The following AMZ2 variants were observed in gnomAD, a reference collection of about 807,000 sequenced individuals.
AMZ2 encodes the protein archaemetzincin-2.
A neutral mutation model predicts 36.7 loss-of-function variants in AMZ2; 26 were observed. The ratio of observed to expected loss-of-function variants is 0.71; its 90% CI spans 0.52 to 0.98. The LOEUF (loss-of-function observed/expected upper bound fraction) is 0.98, where lower values mean the gene tolerates loss of function less well. Ranked by LOEUF, AMZ2 falls within the 50% of genes least tolerant of loss-of-function variation. The pLI is 0.00. For missense variants in AMZ2, 394 were observed against 430.5 expected, an observed-to-expected ratio of 0.92 and a Z score of 0.75; for synonymous variants, 144 against 149.1, an observed-to-expected ratio of 0.97 and a Z score of 0.25.
In AMZ2 at chr17:68,248,731, C is replaced by T. The variant is rs112032376; in HGVS notation, c.-1+26C>T. The T allele has an allele frequency of 1.4e-3, 1,362 of 990,138 alleles. 9 individuals carry two copies. The African/African-American group carries it at 0.022, about 16-fold the overall frequency. 61.3% of individuals were successfully genotyped at this position (990,138 alleles called of 1,614,324 possible). A position where few individuals can be genotyped will look rare whatever the true frequency, so the allele number is the denominator to read the frequency against. On this transcript the variant is annotated intron_variant, in intron 1 of 6. Coordinates refer to ENST00000359904, the MANE Select transcript of AMZ2 (RefSeq NM_016627.5). The stretch of plus-strand genomic sequence containing the variant: ...GTAGGTAGACTACAGGAAGGTACAT[C>T]TTGTTTTATATTTTGTCCTGTAGAA...
At chr17:68,219,249 G>A (rs2073282520) in intron 1 of AMZ2, among the ~76,000 whole-genome samples, 1 of 152,142 alleles carries the variant, frequency 6.6e-6, no homozygotes, top group African/African-American at 2.4e-5. Flanking sequence ...ACAGGTGTGA[G>A]CCACCGTGCC....
intron 6 of AMZ2, among the ~76,000 whole-genome samples, chr17:68,256,219 C>T (rs542447037): frequency 6.6e-6 from 1 of 152,206 alleles, no homozygotes; most frequent in South Asian, 2.1e-4. Context: ...ACAGGATTTA[C>T]CTTTCCAAAT....
At position 68,235,560 on chromosome 17, in the gene AMZ2, C is replaced by G. The variant is rs1382325748; in HGVS notation, c.-66-13080C>G. 6.6e-6 allele frequency among the ~76,000 whole-genome samples: 1 copy of G among 152,112 alleles called. No homozygotes were observed. The highest frequency in any genetic ancestry group is 6.5e-5 in the Admixed American group (1 of 15,272). On this transcript the variant is annotated intron_variant, in intron 1 of 7. Coordinates refer to the AMZ2 transcript ENST00000674770. This position sits in a 1 kb window ranked among gnomAD's most constrained non-coding sequence, Gnocchi z 4.2. ...ACACTGCAAAGTAGGTTGGCTTCCCCCTTACGGAGCCCCTATCCGGGACAG... is the reference window on the plus strand; with the variant it reads ...ACACTGCAAAGTAGGTTGGCTTCCCGCTTACGGAGCCCCTATCCGGGACAG...
intron 1 of AMZ2, among the ~76,000 whole-genome samples, chr17:68,222,177 A>C (rs2073384997): frequency 6.6e-6 from 1 of 152,252 alleles, no homozygotes; most frequent in Admixed American, 6.5e-5. Flanking sequence ...GGATGGAGCC[A>C]TTCCTGAAAT....
intron 5 of AMZ2, among the ~76,000 whole-genome samples, chr17:68,255,400 G>T (rs2144777213): frequency 6.6e-6 from 1 of 152,252 alleles, no homozygotes; most frequent in South Asian, 2.1e-4. Flanking sequence ...GGCCTCTAGT[G>T]GGTAGAGCCA....
chr17:68,209,632 A>ATTTTTTTTTTTTTT (rs1224207690), intron 1 of AMZ2, among the ~76,000 whole-genome samples: 31 of 90,668 alleles, frequency 3.4e-4, no homozygotes, highest in African/African-American at 1.5e-3. Flanking sequence ...ATATATATAT[A>ATTTTTTTTTTTTTT]TTTTTTTTTT....
At chr17:68,219,597 T>TG (rs1212991845) in intron 1 of AMZ2, among the ~76,000 whole-genome samples, 1 of 152,116 alleles carries the variant, frequency 6.6e-6, no homozygotes, top group Non-Finnish European at 1.5e-5. Flanking sequence ...AGTGGCACAG[T>TG]CATAGGCCAC....
chr17:68,231,800 G>A (rs1230152425), intron 1 of AMZ2, among the ~76,000 whole-genome samples: 1 of 152,218 alleles, frequency 6.6e-6, no homozygotes, highest in Non-Finnish European at 1.5e-5. Flanking sequence ...TTCCCTTGGA[G>A]AGAGGGTGGT....
chr17:68,230,183 C>G (rs1422928170), intron 1 of AMZ2, among the ~76,000 whole-genome samples: 2 of 152,174 alleles, frequency 1.3e-5, no homozygotes, highest in African/African-American at 2.4e-5. Context: ...AGCAGTTCTC[C>G]TGCCTCAGCC....
chr17:68,225,926 A>G (rs1372355431), intron 1 of AMZ2, among the ~76,000 whole-genome samples: 2 of 152,086 alleles, frequency 1.3e-5, no homozygotes, highest in Non-Finnish European at 2.9e-5. Flanking sequence ...CCCAGCCTTA[A>G]TGTTCATTTT....
intron 1 of AMZ2, among the ~76,000 whole-genome samples, chr17:68,221,219 G>T (rs758150): frequency 1.9e-5 from 1 of 52,080 alleles, no homozygotes; most frequent in Admixed American, 2.3e-4. Flanking sequence ...TCCCCCCCCC[G>T]CCCCCCCGGT....
intron 4 of AMZ2, among the ~76,000 whole-genome samples, chr17:68,253,142 A>T (rs1555740715): frequency 6.6e-6 from 1 of 152,246 alleles, no homozygotes; most frequent in African/African-American, 2.4e-5. Context: ...CCTTGCTGAA[A>T]GTAGTGAAAT....
intron 1 of AMZ2, among the ~76,000 whole-genome samples, chr17:68,224,228 C>T (rs1439511970): frequency 1.3e-5 from 2 of 152,208 alleles, no homozygotes; most frequent in Non-Finnish European, 2.9e-5. Context: ...CAGGCGTGAG[C>T]CACTGTGCCC....
chr17:68,240,683 A>G (rs1156336667), intron 1 of AMZ2, among the ~76,000 whole-genome samples: 1 of 152,244 alleles, frequency 6.6e-6, no homozygotes, highest in Non-Finnish European at 1.5e-5. Flanking sequence ...ACCCTTCAGA[A>G]CTCTAAGGAT....
intron 1 of AMZ2, among the ~76,000 whole-genome samples, chr17:68,221,209 T>TCCCCCCCCCCCCCCCCCCCCCCCCCC (rs55937321): frequency 1.5e-5 from 1 of 66,778 alleles, no homozygotes; most frequent in Admixed American, 1.9e-4. Context: ...AGCCCTCAGC[T>TCCCCCCCCCCCCCCCCCCCCCCCCCC]CCCCCCCCCG....
chr17:68,219,142 T>A lies in AMZ2; in HGVS notation c.-67+12904T>A, dbSNP rs549919538. ...ACAGGTGCACCTGGCTAATTTTGTA[T>A]TTTTAGTAGAGACAGGGTTTCACCA... On this transcript the variant is annotated intron_variant, in intron 1 of 7. Coordinates refer to the AMZ2 transcript ENST00000674770. Among the ~76,000 whole-genome samples, 8 of 152,294 alleles carry A rather than the reference T, an allele frequency of 5.3e-5. No individual in the cohort carries two copies. In the East Asian group the frequency reaches 1.5e-3, roughly 29 times the overall value.
At chr17:68,240,812 T>C (rs2073886022) in intron 1 of AMZ2, among the ~76,000 whole-genome samples, 1 of 152,210 alleles carries the variant, frequency 6.6e-6, no homozygotes, top group Non-Finnish European at 1.5e-5. Context: ...TGGAGCAAAC[T>C]GTTTATAATA....
At chr17:68,236,996 C>T (rs1480980597) in intron 1 of AMZ2, among the ~76,000 whole-genome samples, 4 of 152,140 alleles carry the variant, frequency 2.6e-5, no homozygotes, top group African/African-American at 9.7e-5. Context: ...GGACATCCTT[C>T]CATGATAATA....
At chr17:68,212,355 G>C (rs1362463639) in intron 1 of AMZ2, among the ~76,000 whole-genome samples, 7 of 151,968 alleles carry the variant, frequency 4.6e-5, no homozygotes, top group Non-Finnish European at 7.4e-5. Context: ...CTGGGTGACA[G>C]AACCAAATCT....
Sources: allele counts gnomAD v4.1 joint callset (sites outside exome capture counted in the v4.1 genomes callset), GRCh38; gene constraint gnomAD v4.1.1; non-coding constraint Gnocchi (gnomAD v3.1); transcripts MANE v1.5; gene names NCBI Gene and HGNC (gene_info 2026-07-23, HGNC 2026-07-21).